RB1CC1: variants seen among roughly 807,000 people sequenced by gnomAD.
The protein encoded by RB1CC1 is RB1-inducible coiled-coil protein 1.
Under a neutral mutation model 177.5 loss-of-function variants are expected in RB1CC1, and 46 were observed. That is an observed-to-expected ratio of 0.26 (90% CI 0.20 to 0.33). The LOEUF is 0.33. RB1CC1 is among the 10% of genes least tolerant of loss of function. The probability of loss-of-function intolerance (pLI) is 1.00; values close to 1 mark genes in which losing one functional copy is unlikely to be tolerated. For synonymous variants in RB1CC1, 666 were observed against 613.6 expected (o/e 1.09, Z -1.26); for missense variants, 1,703 against 1,816.3 (o/e 0.94, Z 1.13).
intron 22 of RB1CC1, 115 bp downstream of exon 22, chr8:52,627,917 C>T: frequency 1.2e-6 from 1 of 868,814 alleles, no homozygotes; most frequent in Non-Finnish European, 1.7e-6. Flanking sequence ...GCAGATTACA[C>T]AGGGTTCCCT....
chr8:52,637,675 ATTT>A (rs1177409993), intron 18 of RB1CC1, among the ~76,000 whole-genome samples: 1 of 151,546 alleles, frequency 6.6e-6, no homozygotes, highest in Non-Finnish European at 1.5e-5. Flanking sequence ...TTATTTATTT[ATTT>A]ATTTATATAT....
At chr8:52,701,685 G>C (rs1856076226) in intron 1 of RB1CC1, among the ~76,000 whole-genome samples, 1 of 151,746 alleles carries the variant, frequency 6.6e-6, no homozygotes, top group African/African-American at 2.4e-5. Context: ...GACTCACCAT[G>C]CTCGGCCAGA....
chr8:52,630,336 C>G (rs747283937), intron 21 of RB1CC1, 134 bp downstream of exon 21: 2 of 1,066,938 alleles, frequency 1.9e-6, no homozygotes, highest in Non-Finnish European at 2.5e-6. Context: ...CAGTAAAAAA[C>G]TTTTACTACT....
rs564035112 is a variant in RB1CC1, at chr8:52,661,698, T to G, written c.1195A>C (p.Arg399=). Residue 399 remains arginine (R), a synonymous_variant, in exon 9 of 24, where the codon AGA becomes CGA. Coordinates refer to ENST00000025008, the MANE Select transcript of RB1CC1 (RefSeq NM_014781.5). ...LAQGFLANQK[R]AENLKDASVL... ...GATGCATCCTTTAAGTTTTCAGCTC[T>G]CTTCTGATTAGCTAAAAATCCCTTT... 1.4e-5 allele frequency: 22 copies of G among 1,564,664 alleles called. No individual in the cohort carries two copies. Among genetic ancestry groups the G allele is most frequent in the Non-Finnish European group, 1.9e-5 (22 of 1,160,676 alleles).
chr8:52,645,208 A>G (rs1485108577), intron 16 of RB1CC1, among the ~76,000 whole-genome samples: 1 of 152,230 alleles, frequency 6.6e-6, no homozygotes, highest in African/African-American at 2.4e-5. Flanking sequence ...CCAGCCTATC[A>G]GAAGGATAAG....
intron 1 of RB1CC1, among the ~76,000 whole-genome samples, chr8:52,698,401 G>A (rs1029127465): frequency 2.6e-5 from 4 of 151,214 alleles, no homozygotes; most frequent in Non-Finnish European, 5.9e-5. Context: ...TGGCTCACCG[G>A]AAGCTCCGCC....
chr8:52,647,027 G>A (rs1474838453), intron 15 of RB1CC1, among the ~76,000 whole-genome samples: 1 of 152,068 alleles, frequency 6.6e-6, no homozygotes, highest in Admixed American at 6.6e-5. Context: ...ATCAGGGTGT[G>A]TTCTGCAATT....
At chr8:52,665,629 A>C (rs1031932589) in intron 8 of RB1CC1, among the ~76,000 whole-genome samples, 4 of 152,210 alleles carry the variant, frequency 2.6e-5, no homozygotes, top group South Asian at 2.1e-4. Flanking sequence ...ACTGCAGAAG[A>C]AGCAAAAGAT....
chr8:52,708,019 A>G (rs1387836137), intron 1 of RB1CC1, among the ~76,000 whole-genome samples: 1 of 152,232 alleles, frequency 6.6e-6, no homozygotes, highest in Non-Finnish European at 1.5e-5. Flanking sequence ...CGGTGCTAGG[A>G]ATATACTAAA....
intron 12 of RB1CC1, among the ~76,000 whole-genome samples, chr8:52,659,446 G>A (rs1184053955): frequency 6.6e-6 from 1 of 151,150 alleles, no homozygotes; most frequent in Non-Finnish European, 1.5e-5. Context: ...ACAAAGTTTT[G>A]GTCAATTTTA....
In RB1CC1 at chr8:52,674,336, T is replaced by C. The variant is rs546079887; in HGVS notation, c.573-62A>G. 1.0e-5 allele frequency: 14 copies of C among 1,381,304 alleles called. No homozygotes were observed. In the Admixed American group the frequency reaches 1.1e-4, roughly 11 times the overall value. The allele number at this position is 1,381,304 out of a possible 1,614,324, so 85.6% of individuals were successfully genotyped here. On this transcript the variant is annotated intron_variant, in intron 6 of 23. Transcript: ENST00000025008. ...ACTGCTCTAATTAGGAATTAGCATG[T>C]TTGAATGAAATCACATATTATTATA... is the stretch of plus-strand genomic sequence containing the variant.
At chr8:52,624,423 C>G (rs1848238940) in intron 23 of RB1CC1, among the ~76,000 whole-genome samples, 1 of 151,910 alleles carries the variant, frequency 6.6e-6, no homozygotes, top group Admixed American at 6.6e-5. Flanking sequence ...TCTAGTTATG[C>G]AGGGATTTTT....
intron 18 of RB1CC1, among the ~76,000 whole-genome samples, chr8:52,637,039 A>T (rs1228493681): frequency 6.6e-6 from 1 of 152,106 alleles, no homozygotes; most frequent in Non-Finnish European, 1.5e-5. Context: ...ATTTTTCAAG[A>T]TTGCTTTGGC....
At chr8:52,672,996 AC>A (rs1316182203) in intron 7 of RB1CC1, among the ~76,000 whole-genome samples, 1 of 152,214 alleles carries the variant, frequency 6.6e-6, no homozygotes, top group East Asian at 1.9e-4. Flanking sequence ...TGAAAGAATG[AC>A]AAAACCTAGA....
At position 52,657,690 on chromosome 8, in the gene RB1CC1, A is replaced by G; in HGVS notation, c.2139T>C (p.Thr713=). Residue 713 remains threonine (T), a synonymous_variant, in exon 15 of 24, where the codon ACT becomes ACC. Coordinates refer to ENST00000025008, the MANE Select transcript of RB1CC1 (RefSeq NM_014781.5). Reference sequence around the variant, plus strand: ...CCAAGTCTAAAGAAACTTGGTGAATAGTCTGTTCTATGTTTGGATGGGGAA... The same window carrying G: ...CCAAGTCTAAAGAAACTTGGTGAATGGTCTGTTCTATGTTTGGATGGGGAA... ...ETIPHPNIEQ[T]IHQVSLDLDS... 1.2e-6 allele frequency: 2 copies of G among 1,614,150 alleles called. No homozygotes were observed. Among genetic ancestry groups the G allele is most frequent in the Non-Finnish European group, 1.7e-6 (2 of 1,179,998 alleles).
chr8:52,628,031 C>G lies in RB1CC1; in HGVS notation c.4636+1G>C. The G allele has an allele frequency of 6.3e-7, 1 of 1,583,048 alleles. No homozygotes were observed. Among genetic ancestry groups the G allele is most frequent in the Non-Finnish European group, 8.6e-7 (1 of 1,168,150 alleles). On this transcript the variant is annotated splice_donor_variant, in intron 22 of 23. Coordinates refer to ENST00000025008, the MANE Select transcript of RB1CC1 (RefSeq NM_014781.5). LOFTEE classifies it high-confidence loss of function. ...TATTTTAGTCATGGAATGACACTTA[C>G]CACCCTCACCTGGTTTGAGATCCAG...
At chr8:52,648,810 TA>T (rs1276444533) in intron 15 of RB1CC1, among the ~76,000 whole-genome samples, 1 of 152,226 alleles carries the variant, frequency 6.6e-6, no homozygotes, top group African/African-American at 2.4e-5. Flanking sequence ...TTTTTCTTAC[TA>T]AATCAAGAAC....
At chr8:52,628,330 A>G (rs1407627648) in intron 21 of RB1CC1, among the ~76,000 whole-genome samples, 162 bp from the exon 22 acceptor site, 28 of 152,194 alleles carry the variant, frequency 1.8e-4, no homozygotes, top group Admixed American at 1.8e-3. Flanking sequence ...CCCAGGTCCT[A>G]ATGGGACTGC....
At chr8:52,678,118 GAAT>G (rs1853316199) in intron 5 of RB1CC1, among the ~76,000 whole-genome samples, 1 of 152,058 alleles carries the variant, frequency 6.6e-6, no homozygotes, top group African/African-American at 2.4e-5. Flanking sequence ...AATGAAAAAG[GAAT>G]AATATATATA....
Sources: gnomAD v4.1 joint callset for allele counts (sites outside exome capture counted in the v4.1 genomes callset) on GRCh38, gnomAD v4.1.1 for gene constraint, MANE v1.5 for transcripts, NCBI Gene and HGNC (gene_info 2026-07-23, HGNC 2026-07-21) for gene names.